DTNB: variants seen among roughly 807,000 people sequenced by gnomAD.
The protein encoded by DTNB is DTN-B.
Under a neutral mutation model 90.7 loss-of-function variants are expected in DTNB, and 63 were observed. The ratio of observed to expected loss-of-function variants is 0.69; its 90% CI spans 0.57 to 0.86. The LOEUF is 0.86. DTNB is among the 40% of genes least tolerant of loss of function. The pLI is 0.00. For missense variants in DTNB, 744 were observed against 807.1 expected (o/e 0.92, Z 0.95); for synonymous variants, 277 against 286.7 (o/e 0.97, Z 0.34).
intron 6 of DTNB, among the ~76,000 whole-genome samples, chr2:25,593,225 G>A (rs1028208262): frequency 1.3e-5 from 2 of 152,028 alleles, no homozygotes; most frequent in African/African-American, 4.8e-5. Context: ...TCGCTTTTTT[G>A]TTCAGCCCAG....
At chr2:25,575,028 C>G (rs1476257793) in intron 8 of DTNB, among the ~76,000 whole-genome samples, 1 of 152,038 alleles carries the variant, frequency 6.6e-6, no homozygotes, top group Non-Finnish European at 1.5e-5. Flanking sequence ...TCACTTGTCT[C>G]TAAACAAATA....
chr2:25,525,029 C>T (rs1223201243), intron 9 of DTNB, among the ~76,000 whole-genome samples: 3 of 152,040 alleles, frequency 2.0e-5, no homozygotes, highest in Non-Finnish European at 2.9e-5. Context: ...AAATAATGTC[C>T]AGCAATGAAG....
At position 25,637,049 on chromosome 2, in the gene DTNB, T is replaced by C. The variant is rs139072291; in HGVS notation, c.148+1965A>G. 2.7e-3 allele frequency among the ~76,000 whole-genome samples: 414 copies of C among 152,120 alleles called. 3 individuals are homozygous for C. Among genetic ancestry groups the C allele is most frequent in the African/African-American group, 9.5e-3 (393 of 41,502 alleles). On this transcript the variant is annotated intron_variant, in intron 3 of 20. Coordinates refer to ENST00000406818, the MANE Select transcript of DTNB (RefSeq NM_021907.5). ...GGTCTAACAGAGCCCTCAGAAATAATAGCACACATCTACAACCATCTGATC... is the reference window on the plus strand; with the variant it reads ...GGTCTAACAGAGCCCTCAGAAATAACAGCACACATCTACAACCATCTGATC...
chr2:25,473,355 G>C (rs1199081861), intron 10 of DTNB, among the ~76,000 whole-genome samples: 1 of 152,216 alleles, frequency 6.6e-6, no homozygotes, highest in East Asian at 1.9e-4. Flanking sequence ...GCCAGGCTAT[G>C]GCCCATCACC....
chr2:25,596,190 A>G lies in DTNB; in HGVS notation c.499T>C (p.Phe167Leu). ...DSNGLMIFSK[F>L]DQFLKEVLKL... ...AGAACTTCCTTCAGAAACTGGTCAA[A>G]CTTGCTAAATATCATTAAGCCATTG... is the stretch of plus-strand genomic sequence containing the variant. The change falls in exon 6 of 21, where the codon TTT (phenylalanine) becomes CTT (leucine). Residue 167 changes from phenylalanine (F) to leucine (L), a missense_variant. Phe to Leu is a conservative substitution (Grantham distance 22). Transcript: ENST00000406818. 6.2e-7 allele frequency: 1 copy of G among 1,613,502 alleles called. No individual in the cohort carries two copies. Among genetic ancestry groups the G allele is most frequent in the Non-Finnish European group, 8.5e-7 (1 of 1,179,660 alleles).
At chr2:25,631,981 G>GGTC (rs1559314478) in intron 3 of DTNB, among the ~76,000 whole-genome samples, 1 of 152,066 alleles carries the variant, frequency 6.6e-6, no homozygotes, top group East Asian at 1.9e-4. Context: ...GATCACTTGA[G>GGTC]GTCAGGAGTT....
chr2:25,433,064 T>C, intron 13 of DTNB, 65 bp from the exon 14 acceptor site: 1 of 1,451,590 alleles, frequency 6.9e-7, no homozygotes, highest in Admixed American at 2.4e-5. Flanking sequence ...CCTCTTTCCC[T>C]ATTACAACTT....
At chr2:25,441,464 G>GT (rs2057370660) in intron 12 of DTNB, among the ~76,000 whole-genome samples, 1 of 152,188 alleles carries the variant, frequency 6.6e-6, no homozygotes, top group Admixed American at 6.5e-5. Context: ...CTTCTTGGTT[G>GT]TTATATAACT....
At chr2:25,661,773 A>G (rs923035035) in intron 1 of DTNB, among the ~76,000 whole-genome samples, 1 of 152,244 alleles carries the variant, frequency 6.6e-6, no homozygotes, top group African/African-American at 2.4e-5. Flanking sequence ...TACCATTTAT[A>G]TTGGCAAAAA....
intron 9 of DTNB, among the ~76,000 whole-genome samples, chr2:25,502,522 A>T (rs1248144452): frequency 6.6e-6 from 1 of 151,794 alleles, no homozygotes; most frequent in Non-Finnish European, 1.5e-5. Flanking sequence ...CGCGAGGATC[A>T]CTTGAGCCCA....
chr2:25,509,133 G>A (rs1181390643), intron 9 of DTNB, among the ~76,000 whole-genome samples: 5 of 152,002 alleles, frequency 3.3e-5, no homozygotes, highest in Admixed American at 6.6e-5. Flanking sequence ...TTTCCTTTTC[G>A]ATCTGAATGC....
chr2:25,409,870 T>C (rs1050854816), intron 16 of DTNB, among the ~76,000 whole-genome samples: 5 of 152,356 alleles, frequency 3.3e-5, no homozygotes, highest in East Asian at 3.9e-4. Flanking sequence ...TGTTTTCCCA[T>C]TGAAATTTCA....
chr2:25,448,110 G>C (rs1201892552), intron 12 of DTNB, among the ~76,000 whole-genome samples: 1 of 152,110 alleles, frequency 6.6e-6, no homozygotes, highest in Non-Finnish European at 1.5e-5. Context: ...TTACTCTCCA[G>C]AATAGATCAG....
chr2:25,506,674 A>G (rs1361543953), intron 9 of DTNB, among the ~76,000 whole-genome samples: 1 of 152,232 alleles, frequency 6.6e-6, no homozygotes, highest in Non-Finnish European at 1.5e-5. Context: ...TATCACATGT[A>G]TTCCATAAAA....
chr2:25,448,908 A>G (rs941625493), intron 12 of DTNB, among the ~76,000 whole-genome samples: 5 of 151,656 alleles, frequency 3.3e-5, no homozygotes, highest in Non-Finnish European at 7.4e-5. Context: ...ACAAATGTAC[A>G]CTCCTGCAAC....
intron 8 of DTNB, among the ~76,000 whole-genome samples, chr2:25,557,049 T>A (rs973374826): frequency 6.6e-6 from 1 of 152,218 alleles, no homozygotes; most frequent in African/African-American, 2.4e-5. Flanking sequence ...AGCAGACAGT[T>A]CTCTGGCACT....
In DTNB at chr2:25,444,256, C is replaced by T. The variant is rs976213475; in HGVS notation, c.1257+7292G>A. 1.3e-3 allele frequency among the ~76,000 whole-genome samples: 203 copies of T among 152,070 alleles called. 1 individual carries two copies. The highest frequency in any genetic ancestry group is 2.4e-4 in the Non-Finnish European group (16 of 68,000). On this transcript the variant is annotated intron_variant, in intron 12 of 20. Transcript: ENST00000406818. ...TAAAAAAGGAATTTAGGACCGGGCG[C>T]GGTGGCTCACACCTGTAATCCCAGC...
At chr2:25,652,525 C>T in intron 2 of DTNB, 69 bp downstream of exon 2, 1 of 1,333,850 alleles carries the variant, frequency 7.5e-7, no homozygotes, top group East Asian at 2.8e-5. Flanking sequence ...AAAGCTATGA[C>T]TTGATCTAAA....
At chr2:25,623,088 C>A (rs1261528327) in intron 4 of DTNB, among the ~76,000 whole-genome samples, 1 of 152,044 alleles carries the variant, frequency 6.6e-6, no homozygotes, top group Non-Finnish European at 1.5e-5. Flanking sequence ...GAAATGCCAA[C>A]AATCAGAAAA....
Sources: gnomAD v4.1 joint callset for allele counts (sites outside exome capture counted in the v4.1 genomes callset) on GRCh38, gnomAD v4.1.1 for gene constraint, MANE v1.5 for transcripts, NCBI Gene and HGNC (gene_info 2026-07-23, HGNC 2026-07-21) for gene names.